The following SGCZ variants were observed in gnomAD, a reference collection of about 807,000 sequenced individuals.
The protein encoded by SGCZ is sarcoglycan zeta.
SGCZ carries 40 observed loss-of-function variants against 41.3 expected under a neutral mutation model. The ratio of observed to expected loss-of-function variants is 0.97; its 90% CI spans 0.75 to 1.26. The LOEUF (loss-of-function observed/expected upper bound fraction) is 1.26, where lower values mean the gene tolerates loss of function less well. SGCZ is among the 50% of genes most tolerant of loss of function. The pLI is 0.00. For synonymous variants in SGCZ, 206 were observed against 137.5 expected, an observed-to-expected ratio of 1.50 and a Z score of -3.49; for missense variants, 552 against 369.8, an observed-to-expected ratio of 1.49 and a Z score of -4.04.
chr8:15,132,833 A>G lies in SGCZ; in HGVS notation c.39+104752T>C, dbSNP rs151316123. The stretch of plus-strand genomic sequence containing the variant: ...ACCATACCATTGCTAAGACCTTCAT[A>G]AAGTTCTAGCAAAAATAAAAGAAGT... On this transcript the variant is annotated intron_variant, in intron 1 of 7. Coordinates refer to ENST00000382080, the MANE Select transcript of SGCZ (RefSeq NM_139167.4). Among the ~76,000 whole-genome samples, 496 of 152,296 alleles carry G rather than the reference A, an allele frequency of 3.3e-3. 1 individual carries two copies. Among genetic ancestry groups the G allele is most frequent in the African/African-American group, 0.011 (453 of 41,556 alleles).
At chr8:14,812,574 T>C (rs1024782416) in intron 1 of SGCZ, among the ~76,000 whole-genome samples, 4 of 152,114 alleles carry the variant, frequency 2.6e-5, no homozygotes, top group Non-Finnish European at 4.4e-5. Context: ...GAGTATCTTG[T>C]TTTGTAATAT....
intron 1 of SGCZ, among the ~76,000 whole-genome samples, chr8:14,908,186 T>C (rs1350952831): frequency 1.3e-5 from 2 of 152,214 alleles, no homozygotes; most frequent in African/African-American, 4.8e-5. Flanking sequence ...AATTATATAA[T>C]ATTTTTAGGC....
At chr8:14,621,996 G>C (rs1806302496) in intron 1 of SGCZ, among the ~76,000 whole-genome samples, 1 of 151,906 alleles carries the variant, frequency 6.6e-6, no homozygotes, top group Admixed American at 6.6e-5. Flanking sequence ...GCCTATTTGT[G>C]CTCTACAGAT....
intron 1 of SGCZ, among the ~76,000 whole-genome samples, chr8:15,046,457 T>C (rs978513626): frequency 1.3e-5 from 2 of 152,092 alleles, no homozygotes; most frequent in African/African-American, 4.8e-5. Context: ...TAGTATTATT[T>C]ATCTTGATGC....
At chr8:14,233,201 T>A (rs2117155038) in intron 4 of SGCZ, among the ~76,000 whole-genome samples, 1 of 152,096 alleles carries the variant, frequency 6.6e-6, no homozygotes, top group Admixed American at 6.6e-5. Flanking sequence ...ACTGACAGCA[T>A]AAGGCACATG....
chr8:15,229,445 A>C (rs895118743), intron 1 of SGCZ, among the ~76,000 whole-genome samples: 1 of 152,198 alleles, frequency 6.6e-6, no homozygotes, highest in Non-Finnish European at 1.5e-5. Flanking sequence ...TCCTAAGGTA[A>C]AGGGGAACTA....
chr8:14,709,816 C>G (rs946356156), intron 1 of SGCZ, among the ~76,000 whole-genome samples: 1 of 152,082 alleles, frequency 6.6e-6, no homozygotes. Flanking sequence ...TTTATTGATG[C>G]CTTACTATGT....
intron 2 of SGCZ, among the ~76,000 whole-genome samples, chr8:14,343,328 G>A (rs1802776563): frequency 6.6e-6 from 1 of 152,120 alleles, no homozygotes; most frequent in African/African-American, 2.4e-5. Flanking sequence ...ACCCAGAATG[G>A]TAGATCCACT....
intron 3 of SGCZ, among the ~76,000 whole-genome samples, chr8:14,252,063 T>C (rs1014619033): frequency 3.9e-5 from 6 of 152,162 alleles, no homozygotes; most frequent in South Asian, 4.1e-4. Context: ...AGCTCTTCAA[T>C]AGGGCCTCTT....
intron 1 of SGCZ, among the ~76,000 whole-genome samples, chr8:15,053,982 T>G (rs982211577): frequency 9.9e-5 from 15 of 152,266 alleles, no homozygotes; most frequent in Admixed American, 9.8e-4. Context: ...ATTTTGGATC[T>G]AAGGTATGAA....
At chr8:14,426,685 G>C (rs1034861778) in intron 2 of SGCZ, among the ~76,000 whole-genome samples, 1 of 152,126 alleles carries the variant, frequency 6.6e-6, no homozygotes, top group South Asian at 2.1e-4. Flanking sequence ...CTGGACTCTG[G>C]ATGAAATGTG....
chr8:14,705,386 T>C (rs145269308), intron 1 of SGCZ, among the ~76,000 whole-genome samples: 2 of 152,168 alleles, frequency 1.3e-5, no homozygotes, highest in East Asian at 3.9e-4. Context: ...TATGTGACTA[T>C]GTGACTATAA....
At chr8:14,158,750 T>C (rs945333324) in intron 5 of SGCZ, among the ~76,000 whole-genome samples, 1 of 152,156 alleles carries the variant, frequency 6.6e-6, no homozygotes, top group African/African-American at 2.4e-5. Flanking sequence ...GCATACCATA[T>C]TCTATATATA....
intron 1 of SGCZ, among the ~76,000 whole-genome samples, chr8:14,800,910 A>G (rs1052838479): frequency 6.6e-6 from 1 of 151,968 alleles, no homozygotes; most frequent in Non-Finnish European, 1.5e-5. Flanking sequence ...AAACATCAGA[A>G]AAAAGATGAC....
chr8:14,432,017 A>T (rs1209166041), intron 2 of SGCZ, among the ~76,000 whole-genome samples: 1 of 151,004 alleles, frequency 6.6e-6, no homozygotes, highest in Non-Finnish European at 1.5e-5. Context: ...TAATCCAAAA[A>T]TTAAAAAAAA....
intron 5 of SGCZ, among the ~76,000 whole-genome samples, chr8:14,112,518 G>A (rs1007160766): frequency 3.3e-5 from 5 of 151,974 alleles, no homozygotes; most frequent in African/African-American, 1.2e-4. Flanking sequence ...ATTTGAATCT[G>A]TGTTAGTAAA....
chr8:14,717,069 T>C (rs1176261666), intron 1 of SGCZ, among the ~76,000 whole-genome samples: 2 of 152,096 alleles, frequency 1.3e-5, no homozygotes, highest in East Asian at 3.9e-4. Flanking sequence ...ATTCCTTTTT[T>C]ATGAATTTCA....
Position 14,111,602 on chromosome 8 carries a change from A to C in SGCZ, c.548-3367T>G, listed in dbSNP as rs541298284. ...ATGTTCAACACTGCTTGATTATAAA[A>C]TCCTACAAAGGATGTTTCAGATAAT... is the stretch of plus-strand genomic sequence containing the variant. On this transcript the variant is annotated intron_variant, in intron 5 of 7. Transcript: ENST00000382080. 2.6e-5 allele frequency among the ~76,000 whole-genome samples: 4 copies of C among 152,340 alleles called. No homozygotes were observed. In the South Asian group the frequency reaches 8.3e-4, roughly 32 times the overall value.
At chr8:14,141,258 C>A (rs968313017) in intron 5 of SGCZ, among the ~76,000 whole-genome samples, 1 of 152,260 alleles carries the variant, frequency 6.6e-6, no homozygotes, top group East Asian at 1.9e-4. Context: ...CAGGCATGGG[C>A]AAGAACTTCA....
Sources: allele counts gnomAD v4.1 joint callset (sites outside exome capture counted in the v4.1 genomes callset), GRCh38; gene constraint gnomAD v4.1.1; transcripts MANE v1.5; gene names NCBI Gene and HGNC (gene_info 2026-07-23, HGNC 2026-07-21).